Variants in RUFY2 observed in about 807,000 individuals in gnomAD.
RUFY2 encodes RUN and FYVE domain containing 2, also known as RUN and FYVE domain-containing protein 2.
Under a neutral mutation model 94.4 loss-of-function variants are expected in RUFY2, and 49 were observed. That is an observed-to-expected ratio of 0.52 (90% CI 0.41 to 0.66). The LOEUF (loss-of-function observed/expected upper bound fraction) is 0.66. Ranked by LOEUF, RUFY2 falls within the 30% of genes least tolerant of loss-of-function variation. The probability of loss-of-function intolerance (pLI) is 0.00; values close to 1 mark genes in which losing one functional copy is unlikely to be tolerated. For synonymous variants in RUFY2, 255 were observed against 235.7 expected (o/e 1.08, Z -0.75); for missense variants, 541 against 692.8 (o/e 0.78, Z 2.46).
intron 2 of RUFY2, among the ~76,000 whole-genome samples, chr10:68,402,814 A>T (rs2133237118): frequency 6.7e-6 from 1 of 150,212 alleles, no homozygotes; most frequent in Middle Eastern, 3.5e-3. Flanking sequence ...ATGTCTATGT[A>T]AATGGAAAGA....
At chr10:68,342,382 A>G (rs2046019384), downstream of RUFY2, 1 of 205,626 alleles carries the variant, frequency 4.9e-6, no homozygotes, top group African/African-American at 2.3e-5. Context: ...AGTGTGGTGT[A>G]ATTTTAGAGG....
chr10:68,342,992 C>G (rs3199937), downstream of RUFY2: 1 of 152,038 alleles, frequency 6.6e-6, no homozygotes, highest in African/African-American at 2.4e-5. Flanking sequence ...TGTATCTGAT[C>G]CCTGCTTGGA....
chr10:68,341,551 T>TTC (rs1341436102), downstream of RUFY2: 1 of 1,394,488 alleles, frequency 7.2e-7, no homozygotes, highest in Admixed American at 1.9e-5. Context: ...CATCATTCCT[T>TTC]TCTCCCCTGT....
intron 13 of RUFY2, among the ~76,000 whole-genome samples, chr10:68,366,098 G>A (rs1021637947): frequency 2.0e-5 from 3 of 151,810 alleles, no homozygotes; most frequent in Middle Eastern, 3.2e-3. Flanking sequence ...AGGCCAAAGC[G>A]GGCAGATCTC....
intron 16 of RUFY2, among the ~76,000 whole-genome samples, chr10:68,347,074 C>G (rs1395735294): frequency 6.6e-6 from 1 of 151,942 alleles, no homozygotes; most frequent in African/African-American, 2.4e-5. Flanking sequence ...AACTATGACT[C>G]AGGCTTGAGT....
rs1199272122 is a variant in RUFY2 at position 68,376,479 on chromosome 10, TATATATATA to T, written c.1325+365_1325+373del. Among the ~76,000 whole-genome samples the T allele has an allele frequency of 5.5e-3, 315 of 57,536 alleles. 32 individuals are homozygous for T. The highest frequency in any genetic ancestry group is 0.016 in the East Asian group (22 of 1,334). 37.7% of individuals were successfully genotyped at this position (57,536 alleles called of 152,430 possible). A position where few individuals can be genotyped will look rare whatever the true frequency, so the allele number is the denominator to read the frequency against. ...ATATATATATATATATATATATATA[TATATATATA>T]TATTCTCAGAAAACAGCATGTCCTT... On this transcript the variant is annotated intron_variant, in intron 13 of 17. Transcript: ENST00000602465.
At chr10:68,371,715 A>G (rs887285492) in intron 13 of RUFY2, among the ~76,000 whole-genome samples, 1 of 152,252 alleles carries the variant, frequency 6.6e-6, no homozygotes, top group African/African-American at 2.4e-5. Context: ...ACAAAGACAT[A>G]AACCTACACA....
Position 68,384,069 on chromosome 10 carries a change from T to C in RUFY2, c.804A>G (p.Lys268=). ...TACTTACCTCTAGGTGCTGCTGTGT[T>C]TTCATTAAAATCAATTTATTTTCAC... ...LRSENKLILM[K]TQQHLEVTKV... is the part of the protein sequence containing the mutation. The change falls in exon 9 of 18, where the codon AAA becomes AAG. Residue 268 remains lysine (K), a synonymous_variant. Coordinates refer to ENST00000602465, the MANE Select transcript of RUFY2 (RefSeq NM_001330103.2). 6.2e-7 allele frequency: 1 copy of C among 1,613,268 alleles called. No homozygotes were observed. Among genetic ancestry groups the C allele is most frequent in the Non-Finnish European group, 8.5e-7 (1 of 1,179,678 alleles).
chr10:68,353,153 C>T (rs557853274), intron 16 of RUFY2, among the ~76,000 whole-genome samples: 11 of 151,568 alleles, frequency 7.3e-5, no homozygotes, highest in African/African-American at 2.4e-4. Flanking sequence ...GCCAACATGG[C>T]GAAACCATCT....
intron 12 of RUFY2, among the ~76,000 whole-genome samples, chr10:68,378,883 C>T (rs2048838286): frequency 6.6e-6 from 1 of 152,132 alleles, no homozygotes. Context: ...ACCAACATGA[C>T]AGGGCAATGG....
intron 3 of RUFY2, among the ~76,000 whole-genome samples, chr10:68,397,837 A>C (rs1419897275): frequency 6.6e-6 from 1 of 152,014 alleles, no homozygotes; most frequent in Non-Finnish European, 1.5e-5. Flanking sequence ...TAAATATTAA[A>C]ACTTCACCAG....
At chr10:68,343,196 A>G (rs1028797543), downstream of RUFY2, 1 of 152,184 alleles carries the variant, frequency 6.6e-6, no homozygotes, top group Non-Finnish European at 1.5e-5. Flanking sequence ...AGATAATAGT[A>G]TGGCGTCTGT....
intron 16 of RUFY2, among the ~76,000 whole-genome samples, chr10:68,352,346 G>A (rs2046740543): frequency 6.6e-6 from 1 of 152,074 alleles, no homozygotes; most frequent in Non-Finnish European, 1.5e-5. Context: ...AAATAAGGGA[G>A]TATACAAAGA....
In RUFY2 at chr10:68,376,841, T is replaced by C; in HGVS notation, c.1325+12A>G. 1 of 1,611,616 alleles carries C rather than the reference T, an allele frequency of 6.2e-7. No individual in the cohort carries two copies. Among genetic ancestry groups the C allele is most frequent in the Non-Finnish European group, 8.5e-7 (1 of 1,178,084 alleles). ...TAACACAAGTATTTGTTTCTGAGAG[T>C]GAAATACTCACAGCTGTTTCTCCTT... On this transcript the variant is annotated intron_variant, in intron 13 of 17. Coordinates refer to ENST00000602465, the MANE Select transcript of RUFY2 (RefSeq NM_001330103.2).
intron 16 of RUFY2, among the ~76,000 whole-genome samples, chr10:68,351,115 T>G (rs1007393641): frequency 6.7e-6 from 1 of 148,190 alleles, no homozygotes; most frequent in African/African-American, 2.5e-5. Flanking sequence ...TATCCATGTA[T>G]CCATACATTT....
At chr10:68,406,591 C>T (rs1293688529) in intron 1 of RUFY2, among the ~76,000 whole-genome samples, 3 of 152,162 alleles carry the variant, frequency 2.0e-5, no homozygotes, top group Non-Finnish European at 2.9e-5. Flanking sequence ...CCGGCCCGTA[C>T]GCGACCCCCA....
At chr10:68,393,446 G>A (rs1464095394) in intron 6 of RUFY2, among the ~76,000 whole-genome samples, 2 of 151,888 alleles carry the variant, frequency 1.3e-5, no homozygotes, top group African/African-American at 4.8e-5. Context: ...ACATAATTAG[G>A]GCCGGGCACA....
chr10:68,364,231 C>G, intron 13 of RUFY2, 118 bp from the exon 14 acceptor site: 1 of 923,358 alleles, frequency 1.1e-6, no homozygotes, highest in Non-Finnish European at 1.5e-6. Context: ...ATGCATTTTT[C>G]AGACATTTTC....
intron 4 of RUFY2, among the ~76,000 whole-genome samples, chr10:68,395,628 AAGAG>A (rs1323781903): frequency 6.6e-6 from 1 of 152,244 alleles, no homozygotes; most frequent in African/African-American, 2.4e-5. Flanking sequence ...ACTGTTGAAA[AAGAG>A]AGTTGTGAAA....
Sources: allele counts gnomAD v4.1 joint callset (sites outside exome capture counted in the v4.1 genomes callset), GRCh38; gene constraint gnomAD v4.1.1; transcripts MANE v1.5; gene names NCBI Gene and HGNC (gene_info 2026-07-23, HGNC 2026-07-21).